The following RNF220 variants were observed in gnomAD, a reference collection of about 807,000 sequenced individuals.
The protein encoded by RNF220 is E3 ubiquitin-protein ligase RNF220.
In RNF220, 7 loss-of-function variants were observed where a neutral mutation model predicts 67.1. The ratio of observed to expected loss-of-function variants is 0.10; its 90% CI spans 0.06 to 0.20. The LOEUF is 0.20. Among genes scored for constraint, RNF220 ranks in the 10% least tolerant of loss-of-function variants. RNF220 has a pLI of 1.00. For missense variants in RNF220, 565 were observed against 740.3 expected (o/e 0.76, Z 2.75); for synonymous variants, 270 against 283.2 (o/e 0.95, Z 0.47).
chr1:44,501,974 A>G (rs947134047), intron 2 of RNF220, among the ~76,000 whole-genome samples: 2 of 151,110 alleles, frequency 1.3e-5, no homozygotes, highest in African/African-American at 2.4e-5. Context: ...AGCTACAGCC[A>G]CGCAGCAGGC....
intron 2 of RNF220, chr1:44,419,321 G>A (rs1270937786): frequency 1.3e-5 from 2 of 152,088 alleles, no homozygotes; most frequent in South Asian, 2.1e-4. Flanking sequence ...AATTTTCTGC[G>A]AAAGAACCTT....
At chr1:44,453,893 A>C (rs1187190941) in intron 2 of RNF220, among the ~76,000 whole-genome samples, 2 of 152,236 alleles carry the variant, frequency 1.3e-5, no homozygotes, top group Non-Finnish European at 2.9e-5. Context: ...TATCAATGTT[A>C]GAAATTAAAA....
At chr1:44,527,801 C>T (rs1660491246) in intron 2 of RNF220, among the ~76,000 whole-genome samples, 1 of 151,584 alleles carries the variant, frequency 6.6e-6, no homozygotes, top group Non-Finnish European at 1.5e-5. Context: ...TGGCAGGCAC[C>T]TGTAGTCCCA....
chr1:44,455,798 A>G (rs1653117944), intron 2 of RNF220, among the ~76,000 whole-genome samples: 1 of 152,202 alleles, frequency 6.6e-6, no homozygotes, highest in Non-Finnish European at 1.5e-5. Context: ...TTGTTTTGGA[A>G]TAAACACGGG....
At chr1:44,507,901 CT>C (rs1459953705) in intron 2 of RNF220, among the ~76,000 whole-genome samples, 1 of 152,112 alleles carries the variant, frequency 6.6e-6, no homozygotes, top group Non-Finnish European at 1.5e-5. Flanking sequence ...CTTTTTCTCC[CT>C]TTGAGCCACT....
chr1:44,446,569 T>C (rs559259810), intron 2 of RNF220, among the ~76,000 whole-genome samples: 1 of 151,712 alleles, frequency 6.6e-6, no homozygotes, highest in African/African-American at 2.4e-5. Flanking sequence ...CCTTTTTTTT[T>C]TTTTTTTTGA....
At chr1:44,468,509 T>C (rs1421625938) in intron 2 of RNF220, among the ~76,000 whole-genome samples, 2 of 152,228 alleles carry the variant, frequency 1.3e-5, no homozygotes, top group East Asian at 3.8e-4. Context: ...CAAGAAACTT[T>C]AATAGTACTT....
chr1:44,630,339 C>A (rs1020595181), intron 5 of RNF220, among the ~76,000 whole-genome samples: 2 of 152,210 alleles, frequency 1.3e-5, no homozygotes, highest in Non-Finnish European at 2.9e-5. Context: ...AGTCTATTAC[C>A]AAGGAAACAG....
chr1:44,568,367 A>G (rs989953242), intron 2 of RNF220, among the ~76,000 whole-genome samples: 5 of 152,202 alleles, frequency 3.3e-5, no homozygotes, highest in Non-Finnish European at 5.9e-5. Flanking sequence ...TCACATAGGT[A>G]TCTGTGCACC....
rs1041301692 is a variant in RNF220, at chr1:44,589,544, G to C, written c.626-24621G>C. The stretch of plus-strand genomic sequence containing the variant: ...CGGGAGAATGGCGTGAACCCAGGAG[G>C]AGGAGCTTGCAGTGAGCTGAGATCA... On this transcript the variant is annotated intron_variant, in intron 2 of 14. Transcript: ENST00000361799. Among the ~76,000 whole-genome samples, 3 of 143,412 alleles carry C rather than the reference G, an allele frequency of 2.1e-5. No homozygotes were observed. In the East Asian group the frequency reaches 5.8e-4, roughly 28 times the overall value. 94.1% of individuals were successfully genotyped at this position (143,412 alleles called of 152,430 possible). A position where few individuals can be genotyped will look rare whatever the true frequency, so the allele number is the denominator to read the frequency against.
At chr1:44,470,998 A>AG (rs1279823827) in intron 2 of RNF220, among the ~76,000 whole-genome samples, 2 of 152,148 alleles carry the variant, frequency 1.3e-5, no homozygotes, top group Non-Finnish European at 2.9e-5. Flanking sequence ...AGGCTGAGGC[A>AG]GGGGGATCAC....
intron 2 of RNF220, among the ~76,000 whole-genome samples, chr1:44,582,711 C>T (rs968414463): frequency 1.4e-5 from 2 of 147,418 alleles, no homozygotes; most frequent in Non-Finnish European, 3.0e-5. Flanking sequence ...GAGCAAAGAT[C>T]GCGTTACTGC....
chr1:44,503,995 G>A (rs1224903493), intron 2 of RNF220, among the ~76,000 whole-genome samples: 1 of 152,106 alleles, frequency 6.6e-6, no homozygotes, highest in Non-Finnish European at 1.5e-5. Flanking sequence ...GACTACAGGT[G>A]CGTGCCACCA....
intron 2 of RNF220, among the ~76,000 whole-genome samples, chr1:44,495,242 A>G (rs1222104800): frequency 6.9e-6 from 1 of 144,048 alleles, no homozygotes; most frequent in East Asian, 2.4e-4. Flanking sequence ...AAAACCAGAA[A>G]CAAAAGATAC....
chr1:44,424,338 A>C (rs1649528887), intron 2 of RNF220, among the ~76,000 whole-genome samples: 1 of 152,074 alleles, frequency 6.6e-6, no homozygotes. Context: ...GGGGTGAAGA[A>C]TGTTATTTAT....
At chr1:44,407,172 C>A (rs1409065301) in intron 1 of RNF220, among the ~76,000 whole-genome samples, 1 of 152,110 alleles carries the variant, frequency 6.6e-6, no homozygotes, top group Non-Finnish European at 1.5e-5. Context: ...CCCACTGGCC[C>A]GGGAGCCGCC....
At chr1:44,456,781 C>T (rs1237412490) in intron 2 of RNF220, among the ~76,000 whole-genome samples, 2 of 152,270 alleles carry the variant, frequency 1.3e-5, no homozygotes, top group East Asian at 3.9e-4. Flanking sequence ...ACTTATATTG[C>T]CATGGCCTGC....
intron 2 of RNF220, among the ~76,000 whole-genome samples, chr1:44,598,060 C>T (rs1219019094): frequency 2.0e-5 from 3 of 152,088 alleles, no homozygotes; most frequent in Admixed American, 1.3e-4. Flanking sequence ...CTGCCCGCCC[C>T]CTCCAAGAGT....
At position 44,552,511 on chromosome 1, in the gene RNF220, AAAC is replaced by A. The variant is rs140651503; in HGVS notation, c.626-61639_626-61637del. On this transcript the variant is annotated intron_variant, in intron 2 of 14. Transcript: ENST00000361799. Reference sequence around the variant, plus strand: ...ACCTTGTCTCAAAAAACAAACAGACAAACAACAACAACAACAAAAACCCATCAA... The same window carrying A: ...ACCTTGTCTCAAAAAACAAACAGACAAACAACAACAACAAAAACCCATCAA... 4.8e-3 allele frequency among the ~76,000 whole-genome samples: 711 copies of A among 149,492 alleles called. 4 individuals carry two copies. Among genetic ancestry groups the A allele is most frequent in the African/African-American group, 0.016 (672 of 40,954 alleles).
Sources: gnomAD v4.1 joint callset for allele counts (sites outside exome capture counted in the v4.1 genomes callset) on GRCh38, gnomAD v4.1.1 for gene constraint, MANE v1.5 for transcripts, NCBI Gene and HGNC (gene_info 2026-07-23, HGNC 2026-07-21) for gene names.